MTR: variants seen among roughly 807,000 people sequenced by gnomAD.
MTR encodes methionine synthase.
A neutral mutation model predicts 154.8 loss-of-function variants in MTR; 84 were observed. That is an observed-to-expected ratio of 0.54 (90% CI 0.45 to 0.65). The LOEUF (loss-of-function observed/expected upper bound fraction) is 0.65, where lower values mean the gene tolerates loss of function less well. Ranked by LOEUF, MTR falls within the 30% of genes least tolerant of loss-of-function variation. MTR has a pLI of 0.00. For missense variants in MTR, 1,275 were observed against 1,570.2 expected (o/e 0.81, Z 3.18); for synonymous variants, 554 against 553.9 (o/e 1.00, Z 0.00).
chr1:236,831,914 A>G lies in MTR; in HGVS notation c.1076-52A>G, dbSNP rs1662635035. ...GAATACATTTGTGTCTGTCTGTCTCATGTCATCCATATGCATTTGCAGAAA... is the reference window on the plus strand; with the variant it reads ...GAATACATTTGTGTCTGTCTGTCTCGTGTCATCCATATGCATTTGCAGAAA... On this transcript the variant is annotated intron_variant, in intron 12 of 32. Coordinates refer to ENST00000366577, the MANE Select transcript of MTR (RefSeq NM_000254.3). The G allele has an allele frequency of 4.8e-6, 6 of 1,262,032 alleles. No homozygotes were observed. In the Admixed American group the frequency reaches 8.5e-5, roughly 18 times the overall value. 78.2% of individuals were successfully genotyped at this position (1,262,032 alleles called of 1,614,324 possible).
chr1:236,815,692 T>TTTTG, intron 7 of MTR, 29 bp downstream of exon 7: 1 of 1,599,960 alleles, frequency 6.3e-7, no homozygotes, highest in Non-Finnish European at 8.6e-7. Flanking sequence ...GCACAATACA[T>TTTTG]TCTTTTATTA....
At chr1:236,820,482 GC>G in intron 8 of MTR, 2 of 1,368,428 alleles carry the variant, frequency 1.5e-6, no homozygotes, top group Non-Finnish European at 2.0e-6. Context: ...CACTGCTCAG[GC>G]CACTGAATAA....
chr1:236,889,373 T>C, intron 28 of MTR, 37 bp downstream of exon 28: 1 of 1,612,322 alleles, frequency 6.2e-7, no homozygotes, highest in East Asian at 2.2e-5. Flanking sequence ...GCCTCTGATA[T>C]TCAAGCTGTG....
Position 236,901,492 on chromosome 1 carries a change from A to C in MTR, c.*3848A>C, listed in dbSNP as rs988941408. The C allele has an allele frequency of 6.6e-6, 1 of 152,308 alleles. No individual in the cohort carries two copies. The highest frequency in any genetic ancestry group is 1.5e-5 in the Non-Finnish European group (1 of 68,092). The allele number at this position is 152,308 out of a possible 1,614,324, so 9.4% of individuals were successfully genotyped here. On this transcript the variant is annotated 3_prime_UTR_variant, in exon 33 of 33. Coordinates refer to ENST00000366577, the MANE Select transcript of MTR (RefSeq NM_000254.3). ...CCAGGGAGACTGAATTTCTTCTGCC[A>C]GTCAGTAACACCATCAACCTGGGAG...
intron 5 of MTR, chr1:236,811,605 A>G (rs1436435105): frequency 2.2e-6 from 1 of 456,238 alleles, no homozygotes. Flanking sequence ...GGAGTTGTTC[A>G]TACCAGGCTT....
At chr1:236,847,945 A>G (rs781720901) in intron 15 of MTR, among the ~76,000 whole-genome samples, 10 of 152,158 alleles carry the variant, frequency 6.6e-5, no homozygotes, top group Non-Finnish European at 7.4e-5. Flanking sequence ...GAGGAGTAAG[A>G]CAGAAGCTTG....
chr1:236,808,247 A>C (rs1311054940), intron 3 of MTR, among the ~76,000 whole-genome samples: 1 of 152,156 alleles, frequency 6.6e-6, no homozygotes, highest in Non-Finnish European at 1.5e-5. Context: ...AAAAGTTCAG[A>C]ATTACTGATC....
intron 24 of MTR, 71 bp from the exon 25 acceptor site, chr1:236,880,684 G>T (rs1009855342): frequency 1.7e-6 from 2 of 1,197,426 alleles, no homozygotes; most frequent in African/African-American, 3.0e-5. Flanking sequence ...ATCTCTAATG[G>T]CGCTGAACAA....
At chr1:236,795,288 G>A (rs1660296720), upstream of MTR, 6 of 1,207,596 alleles carry the variant, frequency 5.0e-6, no homozygotes, top group Non-Finnish European at 6.3e-6. Flanking sequence ...GATAGATTGA[G>A]CGCAGAACTA....
At position 236,891,396 on chromosome 1, in the gene MTR, G is replaced by A. The variant is rs558139269; in HGVS notation, c.3204+67G>A. On this transcript the variant is annotated intron_variant, in intron 29 of 32. Transcript: ENST00000366577. ...GTGAGTTTAAGCACTACACAAAAGA[G>A]CTTTGCATAAATGAGGGTCTGCTTC... 3.5e-5 allele frequency: 52 copies of A among 1,482,786 alleles called. 2 individuals are homozygous for A. In the South Asian group the frequency reaches 4.1e-4, roughly 12 times the overall value. The allele number at this position is 1,482,786 out of a possible 1,614,324, so 91.9% of individuals were successfully genotyped here.
intron 31 of MTR, among the ~76,000 whole-genome samples, 165 bp downstream of exon 31, chr1:236,895,715 A>C (rs1177448122): frequency 6.6e-6 from 1 of 152,182 alleles, no homozygotes; most frequent in East Asian, 1.9e-4. Context: ...ATTTTACTTC[A>C]GTATTACTGA....
At chr1:236,865,392 G>C (rs768894099) in intron 22 of MTR, among the ~76,000 whole-genome samples, 21 of 152,226 alleles carry the variant, frequency 1.4e-4, no homozygotes, top group Non-Finnish European at 2.1e-4. Flanking sequence ...TAGTAGACAA[G>C]TGTCCCTGGA....
intron 15 of MTR, among the ~76,000 whole-genome samples, chr1:236,844,245 C>A (rs138878296): frequency 5.0e-4 from 76 of 152,172 alleles, no homozygotes; most frequent in African/African-American, 1.7e-3. Context: ...TGGGATGAGA[C>A]CAAGAGTTTA....
At chr1:236,844,176 G>A (rs1256363125) in intron 15 of MTR, among the ~76,000 whole-genome samples, 1 of 152,096 alleles carries the variant, frequency 6.6e-6, no homozygotes, top group African/African-American at 2.4e-5. Flanking sequence ...GCCAAGTGAA[G>A]AACAATCATC....
In MTR at chr1:236,824,232, A is replaced by AGG; in HGVS notation, c.865+17_865+18dup. On this transcript the variant is annotated intron_variant, in intron 9 of 32. Transcript: ENST00000366577. ...TATCCCAATGCAGGTGTGTGTTTCA[A>AGG]GGGGGTCACACATGGGGAGATAAAA... 1 of 1,585,300 alleles carries AGG rather than the reference A, an allele frequency of 6.3e-7. No homozygotes were observed. The highest frequency in any genetic ancestry group is 8.7e-7 in the Non-Finnish European group (1 of 1,153,776).
chr1:236,819,450 A>T (rs568035027), intron 8 of MTR, among the ~76,000 whole-genome samples: 1 of 152,312 alleles, frequency 6.6e-6, no homozygotes, highest in East Asian at 1.9e-4. Context: ...TTTTAACGCT[A>T]AATAATATTC....
intron 8 of MTR, among the ~76,000 whole-genome samples, chr1:236,822,198 T>C (rs1425478861): frequency 1.3e-5 from 2 of 152,008 alleles, no homozygotes; most frequent in Non-Finnish European, 2.9e-5. Context: ...TATGTTTTCA[T>C]TTATTTAGAT....
intron 27 of MTR, among the ~76,000 whole-genome samples, chr1:236,888,072 G>A (rs369965941): frequency 2.0e-5 from 3 of 152,228 alleles, no homozygotes; most frequent in Admixed American, 6.5e-5. Context: ...AAGGGCTACC[G>A]TGAACAAGTA....
chr1:236,820,468 C>T, intron 8 of MTR: 1 of 1,403,192 alleles, frequency 7.1e-7, no homozygotes, highest in South Asian at 1.2e-5. Context: ...TGGTCTGCAG[C>T]TCCCACTGCT....
Sources: allele counts gnomAD v4.1 joint callset (sites outside exome capture counted in the v4.1 genomes callset), GRCh38; gene constraint gnomAD v4.1.1; transcripts MANE v1.5; gene names NCBI Gene and HGNC (gene_info 2026-07-23, HGNC 2026-07-21).